Variants in RBFOX1 observed in about 807,000 individuals in gnomAD.
RBFOX1 encodes the protein RNA binding fox-1 homolog 1, also known as RNA binding protein fox-1 homolog 1.
A neutral mutation model predicts 57.7 loss-of-function variants in RBFOX1; 8 were observed. The observed-to-expected ratio is 0.14, with a 90% CI of 0.08 to 0.25. RBFOX1 has a LOEUF of 0.25. Among genes scored for constraint, RBFOX1 ranks in the 10% least tolerant of loss-of-function variants. RBFOX1 has a pLI of 1.00. For missense variants in RBFOX1, 611 were observed against 548.5 expected (o/e 1.11, Z -1.14); for synonymous variants, 326 against 222.4 (o/e 1.47, Z -4.15).
intron 1 of RBFOX1, among the ~76,000 whole-genome samples, chr16:5,390,534 C>G (rs895125855): frequency 1.3e-5 from 2 of 152,258 alleles, no homozygotes; most frequent in South Asian, 2.1e-4. Context: ...AGTGATCCAC[C>G]TGCCTCGGCC....
At chr16:6,910,539 C>T (rs1042614677) in intron 3 of RBFOX1, among the ~76,000 whole-genome samples, 3 of 152,170 alleles carry the variant, frequency 2.0e-5, no homozygotes, top group African/African-American at 7.2e-5. Flanking sequence ...TTCTGGAGGT[C>T]AGAAGTCCAA....
At chr16:6,978,544 C>T (rs2087746566) in intron 3 of RBFOX1, among the ~76,000 whole-genome samples, 1 of 151,918 alleles carries the variant, frequency 6.6e-6, no homozygotes, top group African/African-American at 2.4e-5. Context: ...GTTAAAGTAA[C>T]TCACTACAGT....
At chr16:7,166,972 C>CTTTTTTGTTTTTTTTTT (rs2079653893) in intron 4 of RBFOX1, among the ~76,000 whole-genome samples, 1 of 49,098 alleles carries the variant, frequency 2.0e-5, no homozygotes, top group Non-Finnish European at 3.4e-5. Flanking sequence ...CATTGGTGTT[C>CTTTTTTGTTTTTTTTTT]TTTTTTTTTT....
chr16:7,159,728 C>T (rs1458823754), intron 4 of RBFOX1, among the ~76,000 whole-genome samples: 4 of 152,146 alleles, frequency 2.6e-5, no homozygotes, highest in African/African-American at 4.8e-5. Flanking sequence ...TGTTGGATAG[C>T]CTGACAAGAC....
chr16:7,142,418 C>G (rs1221938892), intron 4 of RBFOX1, among the ~76,000 whole-genome samples: 1 of 152,142 alleles, frequency 6.6e-6, no homozygotes, highest in African/African-American at 2.4e-5. Context: ...CATTTCGTGT[C>G]ACTCTTCCAT....
At chr16:7,482,745 C>T (rs897779059) in intron 4 of RBFOX1, among the ~76,000 whole-genome samples, 2 of 151,776 alleles carry the variant, frequency 1.3e-5, no homozygotes, top group Non-Finnish European at 2.9e-5. Flanking sequence ...GGCGTATTTG[C>T]TTATGTTCTT....
chr16:6,184,726 AT>A (rs67673371), intron 1 of RBFOX1, among the ~76,000 whole-genome samples: 45,370 of 145,700 alleles, frequency 0.31, 6,923 homozygotes, highest in Middle Eastern at 0.38. Flanking sequence ...TGCCTGGCTC[AT>A]TTTTTTTTTT....
At chr16:7,038,405 T>C (rs773519016) in intron 3 of RBFOX1, among the ~76,000 whole-genome samples, 16 of 152,290 alleles carry the variant, frequency 1.1e-4, no homozygotes, top group Non-Finnish European at 1.9e-4. Context: ...ATAACTGCAA[T>C]TGTTTTCTCC....
At chr16:5,342,481 A>G (rs2065053339) in intron 1 of RBFOX1, among the ~76,000 whole-genome samples, 2 of 152,190 alleles carry the variant, frequency 1.3e-5, no homozygotes, top group Admixed American at 6.5e-5. Context: ...TCTAATCTCC[A>G]TGGACCTTAG....
chr16:7,176,291 T>C (rs1357537195), intron 4 of RBFOX1, among the ~76,000 whole-genome samples: 1 of 151,382 alleles, frequency 6.6e-6, no homozygotes, highest in African/African-American at 2.4e-5. Flanking sequence ...AGCACCATTT[T>C]GCATTTCTTT....
At chr16:6,674,352 C>G (rs976740490) in intron 3 of RBFOX1, among the ~76,000 whole-genome samples, 2 of 151,630 alleles carry the variant, frequency 1.3e-5, no homozygotes, top group Non-Finnish European at 2.9e-5. Flanking sequence ...GTCAGAGTCT[C>G]ACTCTGTTGC....
intron 1 of RBFOX1, among the ~76,000 whole-genome samples, chr16:6,106,347 G>T (rs1295633858): frequency 6.6e-6 from 1 of 151,532 alleles, no homozygotes. Flanking sequence ...TGTAATATCA[G>T]CTACTCCACT....
chr16:6,589,754 A>G (rs2097684497), intron 2 of RBFOX1, among the ~76,000 whole-genome samples: 1 of 152,214 alleles, frequency 6.6e-6, no homozygotes, highest in Non-Finnish European at 1.5e-5. Flanking sequence ...CTTTGTTTCA[A>G]AATTAAACTA....
intron 3 of RBFOX1, among the ~76,000 whole-genome samples, chr16:5,613,038 G>A (rs1209010744): frequency 2.0e-5 from 3 of 152,204 alleles, no homozygotes; most frequent in Non-Finnish European, 4.4e-5. Flanking sequence ...GGGCCCATGA[G>A]AATGGGACTA....
chr16:6,926,331 C>T (rs1332770724), intron 3 of RBFOX1, among the ~76,000 whole-genome samples: 1 of 151,926 alleles, frequency 6.6e-6, no homozygotes, highest in Non-Finnish European at 1.5e-5. Flanking sequence ...AACAAAAACC[C>T]TTATTTGGCA....
At chr16:5,568,963 C>T (rs1003377730) in intron 2 of RBFOX1, among the ~76,000 whole-genome samples, 1 of 151,854 alleles carries the variant, frequency 6.6e-6, no homozygotes, top group Non-Finnish European at 1.5e-5. Flanking sequence ...GCCTCAGCCT[C>T]CTGAGTAGCT....
intron 1 of RBFOX1, among the ~76,000 whole-genome samples, chr16:5,449,657 T>A (rs890111357): frequency 6.6e-6 from 1 of 152,172 alleles, no homozygotes; most frequent in African/African-American, 2.4e-5. Flanking sequence ...TTGCCCAGGA[T>A]GAGAACAGTG....
At chr16:7,083,195 C>T (rs1478714) in intron 4 of RBFOX1, among the ~76,000 whole-genome samples, 88,688 of 151,830 alleles carry the variant, frequency 0.58, 29,280 homozygotes, top group East Asian at 0.89. Context: ...GGACAGTCCA[C>T]GGAATGTTCC....
intron 2 of RBFOX1, among the ~76,000 whole-genome samples, chr16:6,326,070 CTTAT>C (rs1286964679): frequency 6.6e-6 from 1 of 152,154 alleles, no homozygotes; most frequent in Admixed American, 6.5e-5. Flanking sequence ...TCGGTTAACT[CTTAT>C]TGAACCTCAG....
Sources: allele counts gnomAD v4.1 joint callset (sites outside exome capture counted in the v4.1 genomes callset), GRCh38; gene constraint gnomAD v4.1.1; transcripts MANE v1.5; gene names NCBI Gene and HGNC (gene_info 2026-07-23, HGNC 2026-07-21).